The following CPEB1 variants were observed in gnomAD, a reference collection of about 807,000 sequenced individuals.
CPEB1 encodes cytoplasmic polyadenylation element binding protein 1.
CPEB1 carries 7 observed loss-of-function variants against 65.8 expected under a neutral mutation model. The observed-to-expected ratio is 0.11, with a 90% CI of 0.06 to 0.20. The LOEUF is 0.20. Among genes scored for constraint, CPEB1 ranks in the 10% least tolerant of loss-of-function variants. The pLI, the probability that CPEB1 is intolerant of heterozygous loss-of-function variation, is 1.00. For missense variants in CPEB1, 551 were observed against 712.2 expected, an observed-to-expected ratio of 0.77 and a Z score of 2.58; for synonymous variants, 262 against 260.0, an observed-to-expected ratio of 1.01 and a Z score of -0.08.
Position 82,579,918 on chromosome 15 carries a change from C to CAA in CPEB1, c.272-8388_272-8387dup, listed in dbSNP as rs59925251. On this transcript the variant is annotated intron_variant, in intron 3 of 12. Transcript: ENST00000684509. ...TGGGCGACAGAGTGAGACTCCGTCT[C>CAA]AAAAAAAAAAAAAAAAAAAAAAAAA... Among the ~76,000 whole-genome samples the CAA allele has an allele frequency of 3.1e-4, 10 of 32,680 alleles. 1 individual carries two copies. The highest frequency in any genetic ancestry group is 5.5e-4 in the Non-Finnish European group (8 of 14,606). The allele number at this position is 32,680 out of a possible 152,430, so 21.4% of individuals were successfully genotyped here. A position where few individuals can be genotyped will look rare whatever the true frequency, so the allele number is the denominator to read the frequency against.
In CPEB1 at chr15:82,629,448, C is replaced by G. The variant is rs192730427; in HGVS notation, c.-97-892G>C. The G allele has an allele frequency of 9.3e-5, 90 of 969,766 alleles. No homozygotes were observed. In the East Asian group the frequency reaches 9.2e-3, roughly 99 times the overall value. The allele number at this position is 969,766 out of a possible 1,614,324, so 60.1% of individuals were successfully genotyped here. A position where few individuals can be genotyped will look rare whatever the true frequency, so the allele number is the denominator to read the frequency against. ...ACATTACCGAATGAAAAAAGAACTCCTATATATATATATAAAAAATCATGA... is the reference window on the plus strand; with the variant it reads ...ACATTACCGAATGAAAAAAGAACTCGTATATATATATATAAAAAATCATGA... On this transcript the variant is annotated intron_variant, in intron 1 of 12. Transcript: ENST00000684509.
chr15:82,571,293 A>T (rs1323853322), intron 4 of CPEB1, 51 bp downstream of exon 4: 4 of 1,571,394 alleles, frequency 2.5e-6, no homozygotes, highest in Admixed American at 1.8e-5. Flanking sequence ...ATCTTCGTTC[A>T]CCACCCCCAT....
chr15:82,549,747 T>G, intron 9 of CPEB1, 89 bp from the exon 10 acceptor site: 2 of 1,290,388 alleles, frequency 1.5e-6, no homozygotes, highest in Non-Finnish European at 2.2e-6. Flanking sequence ...CTGGAGATAC[T>G]GAAGCTAAGC....
intron 9 of CPEB1, among the ~76,000 whole-genome samples, chr15:82,550,439 G>C (rs1390594871): frequency 6.6e-6 from 1 of 152,228 alleles, no homozygotes; most frequent in African/African-American, 2.4e-5. Flanking sequence ...AACGAGCAGA[G>C]AACAGGCCAA....
At chr15:82,642,678 T>C (rs904165541) in intron 1 of CPEB1, among the ~76,000 whole-genome samples, 6 of 152,334 alleles carry the variant, frequency 3.9e-5, no homozygotes, top group Non-Finnish European at 8.8e-5. Context: ...AACTTCTAGG[T>C]GCAAACCACG....
chr15:82,607,140 C>T (rs1451937286), intron 3 of CPEB1, among the ~76,000 whole-genome samples: 1 of 147,240 alleles, frequency 6.8e-6, no homozygotes, highest in Non-Finnish European at 1.5e-5. Flanking sequence ...ATATGGAAAA[C>T]AAACAGAAAA....
chr15:82,601,688 T>G (rs1419659219), intron 3 of CPEB1, among the ~76,000 whole-genome samples: 1 of 152,138 alleles, frequency 6.6e-6, no homozygotes, highest in Non-Finnish European at 1.5e-5. Flanking sequence ...TTGAAAAACA[T>G]GAGAAAAGAT....
chr15:82,608,842 A>G (rs1196359107), intron 3 of CPEB1, among the ~76,000 whole-genome samples: 1 of 152,252 alleles, frequency 6.6e-6, no homozygotes, highest in Admixed American at 6.5e-5. Flanking sequence ...TGAACACTAT[A>G]AAACAACTAG....
chr15:82,631,113 G>A (rs2046209536), intron 1 of CPEB1, among the ~76,000 whole-genome samples: 1 of 152,058 alleles, frequency 6.6e-6, no homozygotes, highest in Non-Finnish European at 1.5e-5. Flanking sequence ...GCAGACTTGG[G>A]AGTCTGGGAG....
In CPEB1 at chr15:82,556,034, C is replaced by G; in HGVS notation, c.776G>C (p.Arg259Pro). 2 of 1,613,412 alleles carry G rather than the reference C, an allele frequency of 1.2e-6. No individual in the cohort carries two copies. The highest frequency in any genetic ancestry group is 1.7e-6 in the Non-Finnish European group (2 of 1,179,708). ...RDPLKMGVGS[R>P]MDQEQAALAA... Reference sequence around the variant, plus strand: ...AAGAGCAGCTTGCTCTTGGTCCATCCGAGACCCTACCCCCATCTTTAAAGG... The same window carrying G: ...AAGAGCAGCTTGCTCTTGGTCCATCGGAGACCCTACCCCCATCTTTAAAGG... Residue 259 changes from arginine (R) to proline (P), a missense_variant, in exon 6 of 13, where the codon CGG becomes CCG. This residue lies in a region of CPEB1 where 128 missense variants were observed against 129.1 expected (regional missense o/e 0.99). Coordinates refer to ENST00000684509, the MANE Select transcript of CPEB1 (RefSeq NM_001365242.1).
intron 3 of CPEB1, among the ~76,000 whole-genome samples, chr15:82,592,171 ACATTTTATTGAAT>A (rs1254661711): frequency 6.6e-6 from 1 of 152,054 alleles, no homozygotes; most frequent in Non-Finnish European, 1.5e-5. Flanking sequence ...TTGCCAAATA[ACATTTTATTGAAT>A]GGATATATAT....
intron 1 of CPEB1, chr15:82,629,506 C>T (rs1456706066): frequency 3.9e-5 from 38 of 984,964 alleles, no homozygotes; most frequent in Admixed American, 6.2e-5. Context: ...TTTGGTATTC[C>T]CTATCTCGGT....
chr15:82,648,610 G>C (rs1307416348), upstream of CPEB1: 1 of 152,452 alleles, frequency 6.6e-6, no homozygotes, highest in Non-Finnish European at 1.5e-5. Context: ...CAAGGGATAG[G>C]GCGAGGGCTC....
intron 3 of CPEB1, among the ~76,000 whole-genome samples, chr15:82,626,231 C>G (rs766527234): frequency 1.3e-5 from 2 of 150,414 alleles, no homozygotes; most frequent in Non-Finnish European, 3.0e-5. Flanking sequence ...GTCAGGACAT[C>G]GAGACCATCC....
At chr15:82,623,611 G>T (rs949722787) in intron 3 of CPEB1, among the ~76,000 whole-genome samples, 3 of 152,180 alleles carry the variant, frequency 2.0e-5, no homozygotes, top group Non-Finnish European at 2.9e-5. Flanking sequence ...GGGAGTTGGA[G>T]GTTGCAGTGA....
intron 2 of CPEB1, among the ~76,000 whole-genome samples, chr15:82,627,608 C>T (rs181202747): frequency 1.7e-4 from 26 of 152,254 alleles, no homozygotes; most frequent in African/African-American, 5.8e-4. Flanking sequence ...GAGAATCAAG[C>T]ACCAGGATTT....
At chr15:82,641,669 C>T (rs2047129275) in intron 1 of CPEB1, 1 of 151,710 alleles carries the variant, frequency 6.6e-6, no homozygotes, top group East Asian at 1.9e-4. Context: ...CTCAGGGGAA[C>T]TCATCACGAA....
chr15:82,551,286 G>T (rs941803893), intron 9 of CPEB1, among the ~76,000 whole-genome samples: 1 of 152,016 alleles, frequency 6.6e-6, no homozygotes, highest in African/African-American at 2.4e-5. Context: ...AAGCTTTAAG[G>T]TTTACAGTAA....
intron 4 of CPEB1, among the ~76,000 whole-genome samples, chr15:82,564,471 T>G (rs766361517): frequency 1.8e-4 from 27 of 150,338 alleles, no homozygotes; most frequent in Non-Finnish European, 3.7e-4. Context: ...GTGTGTGTGT[T>G]TTTAGCAGAG....
Sources: allele counts gnomAD v4.1 joint callset (sites outside exome capture counted in the v4.1 genomes callset), GRCh38; gene constraint gnomAD v4.1.1; regional missense constraint gnomAD v4.1.1; transcripts MANE v1.5; gene names NCBI Gene and HGNC (gene_info 2026-07-23, HGNC 2026-07-21).